SLC22A15: variants seen among roughly 807,000 people sequenced by gnomAD.
The protein encoded by SLC22A15 is solute carrier family 22 member 15.
Under a neutral mutation model 62.7 loss-of-function variants are expected in SLC22A15, and 45 were observed. The ratio of observed to expected loss-of-function variants is 0.72; its 90% CI spans 0.56 to 0.92. The LOEUF is 0.92. Ranked by LOEUF, SLC22A15 falls within the 40% of genes least tolerant of loss-of-function variation. SLC22A15 has a pLI of 0.00. For synonymous variants in SLC22A15, 264 were observed against 267.0 expected, an observed-to-expected ratio of 0.99 and a Z score of 0.11; for missense variants, 622 against 665.6, an observed-to-expected ratio of 0.93 and a Z score of 0.72.
rs1364362108 is a variant in SLC22A15, at chr1:116,054,795, C to T, written c.1172-7967C>T. 5.9e-5 allele frequency among the ~76,000 whole-genome samples: 9 copies of T among 152,042 alleles called. No homozygotes were observed. The South Asian group carries it at 6.2e-4, about 11-fold the overall frequency. ...ACATGGAAACTGAGCAACCTGCTCC[C>T]GAATGACTACTGGGTACATAACGAA... On this transcript the variant is annotated intron_variant, in intron 8 of 11. Coordinates refer to ENST00000369503, the MANE Select transcript of SLC22A15 (RefSeq NM_018420.3).
chr1:116,056,768 G>T (rs370511409), intron 8 of SLC22A15, among the ~76,000 whole-genome samples: 5 of 152,150 alleles, frequency 3.3e-5, no homozygotes, highest in South Asian at 2.1e-4. Context: ...TACAACTATC[G>T]GATCTTTGAC....
intron 1 of SLC22A15, among the ~76,000 whole-genome samples, chr1:115,979,018 G>A (rs1654466112): frequency 6.6e-6 from 1 of 152,160 alleles, no homozygotes. Flanking sequence ...TCTGCGATTT[G>A]ATAATGATTA....
intron 4 of SLC22A15, among the ~76,000 whole-genome samples, chr1:116,023,906 C>G (rs956472273): frequency 1.3e-5 from 2 of 152,158 alleles, no homozygotes; most frequent in Non-Finnish European, 2.9e-5. Flanking sequence ...GAAGGAACTT[C>G]TTTGAAAAGT....
In SLC22A15 at chr1:115,976,545, G is replaced by A; in HGVS notation, c.-83G>A. ...CCCCGGCGGGTCCAAGCCGGTGCCG[G>A]GCGCCCAGGGGTTGCCGCGCTGGGC... On this transcript the variant is annotated 5_prime_UTR_variant, in exon 1 of 12. Coordinates refer to ENST00000369503, the MANE Select transcript of SLC22A15 (RefSeq NM_018420.3). 1 of 999,624 alleles carries A rather than the reference G, an allele frequency of 1.0e-6. No individual in the cohort carries two copies. Among genetic ancestry groups the A allele is most frequent in the Non-Finnish European group, 1.4e-6 (1 of 711,084 alleles). 61.9% of individuals were successfully genotyped at this position (999,624 alleles called of 1,614,324 possible).
intron 5 of SLC22A15, among the ~76,000 whole-genome samples, chr1:116,028,051 A>G (rs1360288670): frequency 1.3e-5 from 2 of 152,198 alleles, no homozygotes; most frequent in Admixed American, 1.3e-4. Context: ...CTATGCCATA[A>G]AGTGAAGGAG....
intron 6 of SLC22A15, chr1:116,032,886 C>G (rs1425266266): frequency 6.6e-6 from 1 of 152,664 alleles, no homozygotes; most frequent in African/African-American, 2.4e-5. Flanking sequence ...GGAGGAACCA[C>G]CTACTTGTTG....
chr1:116,037,323 T>C lies in SLC22A15; in HGVS notation c.1106T>C (p.Leu369Ser). 6.2e-7 allele frequency: 1 copy of C among 1,613,388 alleles called. No homozygotes were observed. Among genetic ancestry groups the C allele is most frequent in the Non-Finnish European group, 8.5e-7 (1 of 1,179,450 alleles). Reference protein sequence around the residue: ...NQKWFGRKRTLSAFLCLGGLA... With the variant: ...NQKWFGRKRTSSAFLCLGGLA... ...TTTAGGTTTGGTCGGAAGCGAACAT[T>C]ATCAGCATTTCTGTGCCTAGGAGGA... The change falls in exon 8 of 12, where the codon TTA becomes TCA. Residue 369 changes from leucine to serine, a missense_variant. Coordinates refer to ENST00000369503, the MANE Select transcript of SLC22A15 (RefSeq NM_018420.3).
chr1:116,043,088 A>G (rs2101500937), intron 8 of SLC22A15, among the ~76,000 whole-genome samples: 1 of 152,336 alleles, frequency 6.6e-6, no homozygotes, highest in East Asian at 1.9e-4. Flanking sequence ...GAAGAAAAAA[A>G]TCACAAGGAA....
chr1:116,055,778 C>A (rs1405680384), intron 8 of SLC22A15, among the ~76,000 whole-genome samples: 2 of 144,130 alleles, frequency 1.4e-5, no homozygotes, highest in Non-Finnish European at 3.0e-5. Flanking sequence ...TGTAATCCAG[C>A]ATATAAACAG....
intron 8 of SLC22A15, among the ~76,000 whole-genome samples, chr1:116,062,486 G>A (rs572640961): frequency 6.6e-6 from 1 of 152,310 alleles, no homozygotes; most frequent in South Asian, 2.1e-4. Context: ...TGACAGTACA[G>A]AAGTTTTCAG....
Position 116,031,409 on chromosome 1 carries a change from CTGAG to C in SLC22A15, c.777_780del (p.Ser259ArgfsTer22). 1 of 1,613,814 alleles carries C rather than the reference CTGAG, an allele frequency of 6.2e-7. No homozygotes were observed. On this transcript the variant is annotated frameshift_variant, in exon 6 of 12. Transcript: ENST00000369503. LOFTEE classifies it high-confidence loss of function. ...TCGTTGGTTATACTCCCAGGGTCGA[CTGAG>C]TGAGGCTGAAGAGGCGCTGTACCTC...
intron 2 of SLC22A15, among the ~76,000 whole-genome samples, chr1:116,002,992 T>C (rs1390236435): frequency 6.6e-6 from 1 of 151,926 alleles, no homozygotes; most frequent in East Asian, 1.9e-4. Context: ...TGTCCAAGGC[T>C]TATGGTGACT....
chr1:116,046,880 T>C (rs1435017815), intron 8 of SLC22A15, among the ~76,000 whole-genome samples: 1 of 152,148 alleles, frequency 6.6e-6, no homozygotes, highest in Non-Finnish European at 1.5e-5. Context: ...GGGAAGGCCC[T>C]GGGAGCTCGC....
chr1:116,024,060 TA>T (rs745631852), intron 4 of SLC22A15, among the ~76,000 whole-genome samples: 5 of 152,288 alleles, frequency 3.3e-5, no homozygotes, highest in South Asian at 2.1e-4. Flanking sequence ...CAGTGGGGCA[TA>T]TTAAATACAG....
intron 1 of SLC22A15, among the ~76,000 whole-genome samples, chr1:115,988,960 G>A (rs1655017556): frequency 6.6e-6 from 1 of 152,114 alleles, no homozygotes; most frequent in Non-Finnish European, 1.5e-5. Context: ...CTCCCTTATG[G>A]TTAGCAAAAG....
chr1:116,032,263 A>G (rs1340789253), intron 6 of SLC22A15: 1 of 985,308 alleles, frequency 1.0e-6, no homozygotes, highest in African/African-American at 1.7e-5. Flanking sequence ...GGTTTCATTT[A>G]AAGAATGAAG....
chr1:116,065,410 C>A (rs1658473025), intron 10 of SLC22A15, among the ~76,000 whole-genome samples: 1 of 152,144 alleles, frequency 6.6e-6, no homozygotes, highest in Non-Finnish European at 1.5e-5. Flanking sequence ...AATATAGGTA[C>A]TGTTAGAGAT....
intron 8 of SLC22A15, among the ~76,000 whole-genome samples, chr1:116,060,369 A>G (rs1389906386): frequency 2.0e-5 from 3 of 152,202 alleles, no homozygotes; most frequent in Non-Finnish European, 2.9e-5. Context: ...ATGTAGCTGG[A>G]GCCAGGCTTC....
chr1:116,060,373 A>T (rs1413373098), intron 8 of SLC22A15, among the ~76,000 whole-genome samples: 1 of 152,192 alleles, frequency 6.6e-6, no homozygotes, highest in African/African-American at 2.4e-5. Context: ...AGCTGGAGCC[A>T]GGCTTCCCAA....
Sources: allele counts gnomAD v4.1 joint callset (sites outside exome capture counted in the v4.1 genomes callset), GRCh38; gene constraint gnomAD v4.1.1; transcripts MANE v1.5; gene names NCBI Gene and HGNC (gene_info 2026-07-23, HGNC 2026-07-21).